ZNF407: variants seen among roughly 807,000 people sequenced by gnomAD.
ZNF407 encodes zinc finger protein 407.
Under a neutral mutation model 131.2 loss-of-function variants are expected in ZNF407, and 17 were observed. The ratio of observed to expected loss-of-function variants is 0.13; its 90% CI spans 0.09 to 0.19. ZNF407 has a LOEUF of 0.19. Among genes scored for constraint, ZNF407 ranks in the 10% least tolerant of loss-of-function variants. The probability of loss-of-function intolerance (pLI) is 1.00; values close to 1 mark genes in which losing one functional copy is unlikely to be tolerated. For missense variants in ZNF407, 2,681 were observed against 2,830.6 expected (o/e 0.95, Z 1.20); for synonymous variants, 1,156 against 1,062.0 (o/e 1.09, Z -1.72).
At chr18:74,695,149 C>T (rs1967320852) in intron 3 of ZNF407, among the ~76,000 whole-genome samples, 1 of 152,104 alleles carries the variant, frequency 6.6e-6, no homozygotes. Flanking sequence ...GTTGATTCTT[C>T]TTTGTCTTCT....
At chr18:75,032,035 T>G (rs1973246279) in intron 8 of ZNF407, among the ~76,000 whole-genome samples, 1 of 152,200 alleles carries the variant, frequency 6.6e-6, no homozygotes, top group Admixed American at 6.5e-5. Flanking sequence ...GTTTAGGGCA[T>G]GAAACTTTCT....
chr18:75,020,270 ATG>A (rs1441817907), intron 8 of ZNF407, among the ~76,000 whole-genome samples: 1 of 151,128 alleles, frequency 6.6e-6, no homozygotes, highest in African/African-American at 2.4e-5. Flanking sequence ...ATATATAGAT[ATG>A]TGTGTGTATA....
intron 3 of ZNF407, among the ~76,000 whole-genome samples, chr18:74,729,795 T>A (rs553679473): frequency 3.9e-5 from 6 of 152,130 alleles, no homozygotes; most frequent in African/African-American, 7.2e-5. Flanking sequence ...AAAATATTTT[T>A]CATATTATTT....
In ZNF407 at chr18:75,063,423, G is replaced by A. The variant is rs201662777; in HGVS notation, c.5702G>A (p.Arg1901Gln). ...CTGGCCATGGCCGGCCAGGTGGCCC[G>A]GGTGGTGCATATCACGGAGGATGGC... Reference protein sequence around the residue: ...QTLAMAGQVARVVHITEDGQV... With the variant: ...QTLAMAGQVAQVVHITEDGQV... The change falls in exon 9 of 9, where the codon CGG becomes CAG. Residue 1901 changes from arginine (R) to glutamine (Q), a missense_variant. Coordinates refer to ENST00000299687, the MANE Select transcript of ZNF407 (RefSeq NM_017757.3). The surrounding 1 kb of genome is among the most constrained non-coding windows in gnomAD (Gnocchi z 6.6). 184 of 1,609,822 alleles carry A rather than the reference G, an allele frequency of 1.1e-4. 1 individual carries two copies. The highest frequency in any genetic ancestry group is 5.9e-4 in the Admixed American group (35 of 59,560).
At chr18:75,027,274 G>A (rs1244467056) in intron 8 of ZNF407, among the ~76,000 whole-genome samples, 1 of 152,236 alleles carries the variant, frequency 6.6e-6, no homozygotes, top group Non-Finnish European at 1.5e-5. Context: ...AAGGAAGAGG[G>A]TGGTGCATAG....
In ZNF407 at chr18:74,881,030, C is replaced by T. The variant is rs371225813; in HGVS notation, c.5045-6C>T. On this transcript the variant is annotated splice_polypyrimidine_tract_variant and splice_region_variant and intron_variant, in intron 5 of 8. Coordinates refer to ENST00000299687, the MANE Select transcript of ZNF407 (RefSeq NM_017757.3). ...GCAGTCCCTCATCTGTTTGTTGTTG[C>T]AACAGGCGAGAAGTCGTTTCTGTGT... The T allele has an allele frequency of 3.1e-6, 5 of 1,588,020 alleles. No homozygotes were observed. Among genetic ancestry groups the T allele is most frequent in the Middle Eastern group, 1.7e-4 (1 of 6,030 alleles).
chr18:74,760,682 G>A (rs1969074898), intron 3 of ZNF407, among the ~76,000 whole-genome samples: 1 of 152,076 alleles, frequency 6.6e-6, no homozygotes, highest in Non-Finnish European at 1.5e-5. Context: ...GGATCTTCCA[G>A]GTAAGTAGTG....
chr18:74,776,923 TCC>T (rs1969484852), intron 3 of ZNF407, among the ~76,000 whole-genome samples: 1 of 152,212 alleles, frequency 6.6e-6, no homozygotes, highest in Non-Finnish European at 1.5e-5. Flanking sequence ...AAGGACTTCA[TCC>T]TTTTGATCGT....
chr18:74,641,517 C>G (rs1285964671), intron 3 of ZNF407, among the ~76,000 whole-genome samples: 1 of 151,874 alleles, frequency 6.6e-6, no homozygotes, highest in African/African-American at 2.4e-5. Context: ...AGTAGTAGCT[C>G]TTTGGATCCA....
At position 74,652,083 on chromosome 18, in the gene ZNF407, G is replaced by T. The variant is rs75901159; in HGVS notation, c.4802+10961G>T. Among the ~76,000 whole-genome samples, 198 of 152,196 alleles carry T rather than the reference G, an allele frequency of 1.3e-3. 3 individuals carry two copies. In the East Asian group the frequency reaches 0.03, roughly 23 times the overall value. ...CAAGAATTTGATATCATCAAGTAGA[G>T]CAGCTTTTCCATTCAAGTACAGTAT... On this transcript the variant is annotated intron_variant, in intron 3 of 8. Transcript: ENST00000299687.
At chr18:74,733,766 A>C (rs772583487) in intron 3 of ZNF407, among the ~76,000 whole-genome samples, 25 of 152,208 alleles carry the variant, frequency 1.6e-4, no homozygotes, top group South Asian at 6.2e-4. Context: ...TTTCATGGAC[A>C]ATTAGTGTCG....
At chr18:75,036,099 T>C (rs1344715265) in intron 8 of ZNF407, among the ~76,000 whole-genome samples, 1 of 152,210 alleles carries the variant, frequency 6.6e-6, no homozygotes, top group Non-Finnish European at 1.5e-5. Flanking sequence ...GCACCTGATG[T>C]AATCATTGTA....
At chr18:74,660,458 C>T (rs941712644) in intron 3 of ZNF407, among the ~76,000 whole-genome samples, 6 of 152,022 alleles carry the variant, frequency 3.9e-5, no homozygotes, top group Admixed American at 6.5e-5. Flanking sequence ...CCTGTCATGT[C>T]GTAATGTGAT....
intron 4 of ZNF407, among the ~76,000 whole-genome samples, chr18:74,811,531 C>T (rs1007339453): frequency 5.3e-5 from 8 of 152,098 alleles, no homozygotes; most frequent in Non-Finnish European, 1.2e-4. Flanking sequence ...TGGGTATATA[C>T]CCAAAGGACT....
At chr18:74,754,480 G>A (rs569635659) in intron 3 of ZNF407, among the ~76,000 whole-genome samples, 80 of 152,186 alleles carry the variant, frequency 5.3e-4, no homozygotes, top group African/African-American at 1.5e-3. Context: ...TCTCTTGTGG[G>A]CATTTAGTGC....
rs140875600 is a variant in ZNF407, at chr18:74,655,467, C to T, written c.4802+14345C>T. ...GCCTTGCAACTGGACTGGTATCTATCCACTAGATTATAGAAATCACTTGCA... is the reference window on the plus strand; with the variant it reads ...GCCTTGCAACTGGACTGGTATCTATTCACTAGATTATAGAAATCACTTGCA... On this transcript the variant is annotated intron_variant, in intron 3 of 8. Transcript: ENST00000299687. Among the ~76,000 whole-genome samples the T allele has an allele frequency of 3.5e-3, 531 of 152,066 alleles. 9 individuals carry two copies. Among genetic ancestry groups the T allele is most frequent in the Admixed American group, 0.03 (462 of 15,264 alleles).
intron 8 of ZNF407, among the ~76,000 whole-genome samples, chr18:74,934,073 C>A (rs1222313260): frequency 6.6e-6 from 1 of 152,022 alleles, no homozygotes; most frequent in Non-Finnish European, 1.5e-5. Flanking sequence ...TAAAAAGCTG[C>A]ACAGACTTGT....
rs376865807 is a variant in ZNF407 at position 74,622,476 on chromosome 18, C to T, written c.-53-8491C>T. ...CAGGGAATCCAGTTCTGCTGGAGGG[C>T]GGTCATCACTTCTGGATTCGTCCTT... On this transcript the variant is annotated intron_variant, in intron 1 of 8. Transcript: ENST00000299687. Among the ~76,000 whole-genome samples, 9 of 120,400 alleles carry T rather than the reference C, an allele frequency of 7.5e-5. No individual in the cohort carries two copies. The East Asian group carries it at 1.8e-3, about 24-fold the overall frequency. The allele number at this position is 120,400 out of a possible 152,430, so 79.0% of individuals were successfully genotyped here.
chr18:74,624,540 C>G (rs1983705358), intron 1 of ZNF407, among the ~76,000 whole-genome samples: 1 of 152,226 alleles, frequency 6.6e-6, no homozygotes, highest in Non-Finnish European at 1.5e-5. Flanking sequence ...TTTAGATTGT[C>G]TCTGCCTTCA....
Sources: allele counts gnomAD v4.1 joint callset (sites outside exome capture counted in the v4.1 genomes callset), GRCh38; gene constraint gnomAD v4.1.1; non-coding constraint Gnocchi (gnomAD v3.1); transcripts MANE v1.5; gene names NCBI Gene and HGNC (gene_info 2026-07-23, HGNC 2026-07-21).